OSBPL6: variants seen among roughly 807,000 people sequenced by gnomAD.
OSBPL6 encodes oxysterol binding protein like 6.
A neutral mutation model predicts 125.8 loss-of-function variants in OSBPL6; 49 were observed. The observed-to-expected ratio is 0.39, with a 90% CI of 0.31 to 0.49. OSBPL6 has a LOEUF of 0.49. OSBPL6 is among the 20% of genes least tolerant of loss of function. The probability of loss-of-function intolerance (pLI) is 0.88; values close to 1 mark genes in which losing one functional copy is unlikely to be tolerated. For synonymous variants in OSBPL6, 394 were observed against 391.8 expected (o/e 1.01, Z -0.07); for missense variants, 986 against 1,135.4 (o/e 0.87, Z 1.89).
intron 13 of OSBPL6, among the ~76,000 whole-genome samples, chr2:178,371,881 A>G: frequency 6.6e-6 from 1 of 152,220 alleles, no homozygotes; most frequent in Admixed American, 6.5e-5. Flanking sequence ...AATCACTTTT[A>G]TGAAATCTAT....
chr2:178,226,780 G>A (rs776289000), intron 1 of OSBPL6, among the ~76,000 whole-genome samples: 64 of 152,184 alleles, frequency 4.2e-4, no homozygotes, highest in Admixed American at 1.7e-3. Context: ...GGATAGAAAC[G>A]GATTTCCTTA....
chr2:178,210,946 A>G (rs17695665), intron 1 of OSBPL6, among the ~76,000 whole-genome samples: 14,830 of 152,114 alleles, frequency 0.097, 832 homozygotes, highest in African/African-American at 0.15. Flanking sequence ...ATCTTGCTAT[A>G]TTCGTGTAGG....
chr2:178,233,407 G>A (rs1442624925), intron 1 of OSBPL6, among the ~76,000 whole-genome samples: 1 of 152,142 alleles, frequency 6.6e-6, no homozygotes, highest in Non-Finnish European at 1.5e-5. Flanking sequence ...TATTATGGCT[G>A]CATCCTCTGT....
chr2:178,202,560 C>T (rs893992044), intron 1 of OSBPL6, among the ~76,000 whole-genome samples: 8 of 152,118 alleles, frequency 5.3e-5, no homozygotes, highest in Non-Finnish European at 1.2e-4. Context: ...CTGTGGCTGA[C>T]GCCTGTAATC....
intron 19 of OSBPL6, among the ~76,000 whole-genome samples, chr2:178,386,724 GACAC>G (rs10578361): frequency 0.024 from 3,409 of 144,726 alleles, 92 homozygotes; most frequent in African/African-American, 0.07. Context: ...CACACACACA[GACAC>G]ACACACACAC....
chr2:178,223,999 AC>A (rs2090448064), intron 1 of OSBPL6, among the ~76,000 whole-genome samples: 2 of 152,224 alleles, frequency 1.3e-5, no homozygotes, highest in Admixed American at 1.3e-4. Flanking sequence ...GGGCAACCTT[AC>A]TGGCTTCTAA....
At chr2:178,284,558 AAAAC>A (rs1177781341) in intron 1 of OSBPL6, among the ~76,000 whole-genome samples, 6 of 152,334 alleles carry the variant, frequency 3.9e-5, no homozygotes, top group African/African-American at 1.2e-4. Context: ...GTCTCAAAAC[AAAAC>A]AAACAAACAA....
At chr2:178,268,406 T>A (rs1279369621) in intron 1 of OSBPL6, among the ~76,000 whole-genome samples, 1 of 151,894 alleles carries the variant, frequency 6.6e-6, no homozygotes, top group Admixed American at 6.6e-5. Flanking sequence ...CTAAAAGGTG[T>A]AATTATAGTA....
At chr2:178,312,977 C>T (rs1399355120) in intron 3 of OSBPL6, among the ~76,000 whole-genome samples, 1 of 151,848 alleles carries the variant, frequency 6.6e-6, no homozygotes, top group African/African-American at 2.4e-5. Context: ...CTCACTGCAA[C>T]CTCCGCCACC....
chr2:178,245,176 T>C (rs960962523), intron 1 of OSBPL6, among the ~76,000 whole-genome samples: 2 of 152,216 alleles, frequency 1.3e-5, no homozygotes, highest in African/African-American at 4.8e-5. Flanking sequence ...TCACTCAGCC[T>C]GGATGTGCTG....
intron 12 of OSBPL6, among the ~76,000 whole-genome samples, chr2:178,350,907 T>C (rs2154090850): frequency 6.6e-6 from 1 of 152,272 alleles, no homozygotes; most frequent in East Asian, 1.9e-4. Context: ...ATTCTGAAGC[T>C]TCCAGGAAAT....
chr2:178,355,303 G>GT (rs778308391), intron 12 of OSBPL6, among the ~76,000 whole-genome samples: 10 of 152,084 alleles, frequency 6.6e-5, no homozygotes, highest in Non-Finnish European at 1.3e-4. Flanking sequence ...CCAGGAGCTG[G>GT]TTTTTTGAAA....
chr2:178,255,662 C>T (rs1442355041), intron 1 of OSBPL6, among the ~76,000 whole-genome samples: 1 of 152,192 alleles, frequency 6.6e-6, no homozygotes, highest in Non-Finnish European at 1.5e-5. Flanking sequence ...AGACCAATTC[C>T]TAATCTCTCA....
intron 13 of OSBPL6, 29 bp from the exon 14 acceptor site, chr2:178,372,097 A>G: frequency 6.6e-7 from 1 of 1,514,502 alleles, no homozygotes. Flanking sequence ...TTAATTTTAA[A>G]TTACATATGT....
At chr2:178,232,316 C>T (rs2090865656) in intron 1 of OSBPL6, among the ~76,000 whole-genome samples, 1 of 151,986 alleles carries the variant, frequency 6.6e-6, no homozygotes, top group Admixed American at 6.6e-5. Flanking sequence ...TTATGTTTCT[C>T]ATGAGTACCT....
intron 1 of OSBPL6, among the ~76,000 whole-genome samples, chr2:178,276,121 A>G (rs754842643): frequency 6.6e-6 from 1 of 152,070 alleles, no homozygotes; most frequent in Non-Finnish European, 1.5e-5. Context: ...TAAATATATT[A>G]CGATCATCAT....
At chr2:178,264,627 C>T (rs1443921722) in intron 1 of OSBPL6, among the ~76,000 whole-genome samples, 3 of 152,200 alleles carry the variant, frequency 2.0e-5, no homozygotes, top group Non-Finnish European at 4.4e-5. Context: ...GCAGGCAATA[C>T]TTCCTCTGTG....
intron 1 of OSBPL6, among the ~76,000 whole-genome samples, chr2:178,248,706 T>C (rs1157993649): frequency 6.6e-6 from 1 of 152,290 alleles, no homozygotes; most frequent in South Asian, 2.1e-4. Context: ...TTTGGGGATT[T>C]GAGGATTGCC....
In OSBPL6 at chr2:178,223,571, C is replaced by T. The variant is rs369497335; in HGVS notation, c.-351+28897C>T. Among the ~76,000 whole-genome samples the T allele has an allele frequency of 4.6e-5, 7 of 152,298 alleles. No homozygotes were observed. In the South Asian group the frequency reaches 8.3e-4, roughly 18 times the overall value. On this transcript the variant is annotated intron_variant, in intron 1 of 24. Transcript: ENST00000190611. ...TAAAAAGTAAAAGGATATGGAGTGA[C>T]GTTTCCCAGGCCCTTCAGTTTATTC...
Sources: gnomAD v4.1 joint callset for allele counts (sites outside exome capture counted in the v4.1 genomes callset) on GRCh38, gnomAD v4.1.1 for gene constraint, MANE v1.5 for transcripts, NCBI Gene and HGNC (gene_info 2026-07-23, HGNC 2026-07-21) for gene names.